The following HAUS2 variants were observed in gnomAD, a reference collection of about 807,000 sequenced individuals.
The protein encoded by HAUS2 is HAUS augmin-like complex subunit 2.
HAUS2 carries 20 observed loss-of-function variants against 21.6 expected under a neutral mutation model. The observed-to-expected ratio is 0.93, with a 90% CI of 0.65 to 1.35. HAUS2 has a LOEUF of 1.35. HAUS2 is among the 40% of genes most tolerant of loss of function. HAUS2 has a pLI of 0.00. For synonymous variants in HAUS2, 113 were observed against 95.6 expected (o/e 1.18, Z -1.06); for missense variants, 297 against 280.7 (o/e 1.06, Z -0.42).
At chr15:42,555,408 G>A (rs533394485) in intron 1 of HAUS2, among the ~76,000 whole-genome samples, 1 of 152,274 alleles carries the variant, frequency 6.6e-6, no homozygotes, top group East Asian at 1.9e-4. Flanking sequence ...GGGATTACAG[G>A]TGTGAGCCAT....
At chr15:42,564,169 G>A (rs1370007068) in intron 5 of HAUS2, among the ~76,000 whole-genome samples, 1 of 151,618 alleles carries the variant, frequency 6.6e-6, no homozygotes, top group Non-Finnish European at 1.5e-5. Flanking sequence ...GGGAGGCTGA[G>A]GCAGGAGAAC....
intron 1 of HAUS2, among the ~76,000 whole-genome samples, chr15:42,552,715 T>C (rs923016373): frequency 6.6e-6 from 1 of 152,176 alleles, no homozygotes; most frequent in Non-Finnish European, 1.5e-5. Flanking sequence ...GCTTGATCAT[T>C]GCTTATTGGC....
chr15:42,560,314 T>C (rs955558391), intron 3 of HAUS2, among the ~76,000 whole-genome samples: 1 of 152,042 alleles, frequency 6.6e-6, no homozygotes, highest in African/African-American at 2.4e-5. Flanking sequence ...TCTTGGGAAA[T>C]ACATGCTAAC....
At chr15:42,554,185 T>C (rs2057750551) in intron 1 of HAUS2, among the ~76,000 whole-genome samples, 1 of 152,154 alleles carries the variant, frequency 6.6e-6, no homozygotes, top group Non-Finnish European at 1.5e-5. Flanking sequence ...CATCCTTACC[T>C]GGAATACTGT....
At chr15:42,558,980 T>G (rs538522927) in intron 2 of HAUS2, among the ~76,000 whole-genome samples, 8 of 152,074 alleles carry the variant, frequency 5.3e-5, no homozygotes, top group Non-Finnish European at 1.2e-4. Flanking sequence ...ACTTTATTGG[T>G]TCAAACAGCA....
rs1444927161 is a variant in HAUS2, at chr15:42,569,401, G to C, written c.*2585G>C. The C allele has an allele frequency of 6.6e-6, 1 of 151,264 alleles. No individual in the cohort carries two copies. The highest frequency in any genetic ancestry group is 1.9e-4 in the East Asian group (1 of 5,138). The allele number at this position is 151,264 out of a possible 1,614,324, so 9.4% of individuals were successfully genotyped here. A position where few individuals can be genotyped will look rare whatever the true frequency, so the allele number is the denominator to read the frequency against. On this transcript the variant is annotated 3_prime_UTR_variant, in exon 6 of 6. Transcript: ENST00000260372. ...ACCTCACTGCAGCCTTGACCTCTCA[G>C]GCTCAAGTGATCCTCCCACCTCAGC...
intron 1 of HAUS2, 25 bp downstream of exon 1, chr15:42,548,990 A>G: frequency 2.1e-6 from 3 of 1,434,232 alleles, no homozygotes; most frequent in Non-Finnish European, 2.9e-6. Context: ...CGGTGGTGTC[A>G]TCAAGGGGGT....
rs1345318393 is a variant in HAUS2, at chr15:42,569,181, ACT to A, written c.*2368_*2369del. On this transcript the variant is annotated 3_prime_UTR_variant, in exon 6 of 6. Coordinates refer to ENST00000260372, the MANE Select transcript of HAUS2 (RefSeq NM_018097.3). The stretch of plus-strand genomic sequence containing the variant: ...TATACTAACAACTGCCTCAGGATAT[ACT>A]CTTTTTAATCAGTATTGTAACTAAC... The A allele has an allele frequency of 6.6e-6, 1 of 151,190 alleles. No homozygotes were observed. The highest frequency in any genetic ancestry group is 2.4e-5 in the African/African-American group (1 of 41,058). The allele number at this position is 151,190 out of a possible 1,614,324, so 9.4% of individuals were successfully genotyped here.
Position 42,561,283 on chromosome 15 carries a change from T to TACTGGA in HAUS2, c.273_274insGGAACT (p.Thr91_Leu92insGlyThr), listed in dbSNP as rs1566834310. 4 of 1,552,382 alleles carry TACTGGA rather than the reference T, an allele frequency of 2.6e-6. No individual in the cohort carries two copies. Among genetic ancestry groups the TACTGGA allele is most frequent in the Non-Finnish European group, 3.6e-6 (4 of 1,124,146 alleles). On this transcript the variant is annotated inframe_insertion, in exon 4 of 6. Transcript: ENST00000260372. The stretch of plus-strand genomic sequence containing the variant: ...TAATTTGTATAGCTCAGAAGTGTCA[T>TACTGGA]ACTCTGCAAAGCATGAATAATCATT...
rs1263482778 is a variant in HAUS2, at chr15:42,568,684, C to T, written c.*1868C>T. The T allele has an allele frequency of 2.6e-5, 4 of 152,130 alleles. No homozygotes were observed. The highest frequency in any genetic ancestry group is 1.3e-4 in the Admixed American group (2 of 15,272). The allele number at this position is 152,130 out of a possible 1,614,324, so 9.4% of individuals were successfully genotyped here. A position where few individuals can be genotyped will look rare whatever the true frequency, so the allele number is the denominator to read the frequency against. ...GTACATGGTAGGTAGAAGGTACCTACGTGACCAGCCCCCAGTAAAAACCCT... is the reference window on the plus strand; with the variant it reads ...GTACATGGTAGGTAGAAGGTACCTATGTGACCAGCCCCCAGTAAAAACCCT... On this transcript the variant is annotated 3_prime_UTR_variant, in exon 6 of 6. Coordinates refer to ENST00000260372, the MANE Select transcript of HAUS2 (RefSeq NM_018097.3).
At chr15:42,557,758 G>C (rs12593511) in intron 1 of HAUS2, among the ~76,000 whole-genome samples, 150,826 of 151,904 alleles carry the variant, frequency 0.99, 74,887 homozygotes, top group East Asian at 1. Context: ...TGACTTGTAG[G>C]CAACTGAGGT....
intron 2 of HAUS2, among the ~76,000 whole-genome samples, chr15:42,558,999 G>C (rs1231512326): frequency 3.3e-5 from 5 of 152,052 alleles, no homozygotes; most frequent in East Asian, 3.9e-4. Context: ...CAATTCCTTT[G>C]AACTTAGAAC....
chr15:42,549,310 G>C (rs1381213810), intron 1 of HAUS2, among the ~76,000 whole-genome samples: 1 of 152,074 alleles, frequency 6.6e-6, no homozygotes. Flanking sequence ...AATACGGGTC[G>C]TTCTGTCCCC....
chr15:42,566,572 A>C, intron 5 of HAUS2, 35 bp from the exon 6 acceptor site: 1 of 1,127,136 alleles, frequency 8.9e-7, no homozygotes, highest in Non-Finnish European at 1.4e-6. Flanking sequence ...AATAAGAGAC[A>C]TAATTTCTCC....
At chr15:42,558,431 C>T (rs112432684) in intron 2 of HAUS2, 141 bp downstream of exon 2, 9,489 of 528,196 alleles carry the variant, frequency 0.018, 663 homozygotes, top group African/African-American at 0.16. Context: ...AGGTTCACGC[C>T]GTTCTTCTGC....
rs1460337657 is a variant in HAUS2 at position 42,568,478 on chromosome 15, A to C, written c.*1662A>C. ...ATGAGGGCAAAGCCCTCCTTACCTAATTACTTTTTAAAGGTCTCATAACAC... is the reference window on the plus strand; with the variant it reads ...ATGAGGGCAAAGCCCTCCTTACCTACTTACTTTTTAAAGGTCTCATAACAC... On this transcript the variant is annotated 3_prime_UTR_variant, in exon 6 of 6. Coordinates refer to ENST00000260372, the MANE Select transcript of HAUS2 (RefSeq NM_018097.3). 6.6e-6 allele frequency: 1 copy of C among 152,200 alleles called. No individual in the cohort carries two copies. The highest frequency in any genetic ancestry group is 1.5e-5 in the Non-Finnish European group (1 of 68,034). The allele number at this position is 152,200 out of a possible 1,614,324, so 9.4% of individuals were successfully genotyped here.
At position 42,548,912 on chromosome 15, in the gene HAUS2, A is replaced by T; in HGVS notation, c.40A>T (p.Asn14Tyr). 1 of 1,551,230 alleles carries T rather than the reference A, an allele frequency of 6.4e-7. No homozygotes were observed. Among genetic ancestry groups the T allele is most frequent in the African/African-American group, 1.4e-5 (1 of 73,264 alleles). Residue 14 changes from asparagine to tyrosine, a missense_variant, in exon 1 of 6, where the codon AAC becomes TAC. By Grantham distance (143) the Asn-to-Tyr change is moderately radical. Transcript: ENST00000260372. The part of the protein sequence containing the change: ...ANPWDPASAP[N>Y]GAGLVLGHFI... ...CCCGTGGGACCCGGCGTCCGCGCCT[A>T]ACGGCGCTGGGCTAGTGCTAGGCCA...
chr15:42,558,083 A>T, intron 1 of HAUS2, 115 bp from the exon 2 acceptor site: 1 of 603,248 alleles, frequency 1.7e-6, no homozygotes, highest in Non-Finnish European at 3.0e-6. Flanking sequence ...CTTCATGTTC[A>T]AAGGCAGTGT....
chr15:42,555,017 G>A (rs1471543891), intron 1 of HAUS2, among the ~76,000 whole-genome samples: 7 of 149,814 alleles, frequency 4.7e-5, no homozygotes, highest in African/African-American at 1.5e-4. Context: ...TTGAGACAGA[G>A]TCTCTCTCTG....
Sources: gnomAD v4.1 joint callset for allele counts (sites outside exome capture counted in the v4.1 genomes callset) on GRCh38, gnomAD v4.1.1 for gene constraint, MANE v1.5 for transcripts, NCBI Gene and HGNC (gene_info 2026-07-23, HGNC 2026-07-21) for gene names.